The following PZP variants were observed in gnomAD, a reference collection of about 807,000 sequenced individuals.
The protein encoded by PZP is pregnancy zone protein.
In PZP, 150 loss-of-function variants were observed where a neutral mutation model predicts 179.8. That is an observed-to-expected ratio of 0.83 (90% CI 0.73 to 0.96). PZP has a LOEUF of 0.96. Ranked by LOEUF, PZP falls within the 40% of genes least tolerant of loss-of-function variation. The pLI is 0.00. For missense variants in PZP, 1,689 were observed against 1,764.0 expected, an observed-to-expected ratio of 0.96 and a Z score of 0.76; for synonymous variants, 624 against 652.3, an observed-to-expected ratio of 0.96 and a Z score of 0.66.
At position 9,158,589 on chromosome 12, in the gene PZP, A is replaced by G. The variant is rs201162469; in HGVS notation, c.3138-13T>C. 31 of 1,613,664 alleles carry G rather than the reference A, an allele frequency of 1.9e-5. No homozygotes were observed. The highest frequency in any genetic ancestry group is 1.6e-4 in the Middle Eastern group (1 of 6,062). On this transcript the variant is annotated splice_polypyrimidine_tract_variant and intron_variant, in intron 25 of 35. Coordinates refer to ENST00000261336, the MANE Select transcript of PZP (RefSeq NM_002864.3). ...AAAAGCTGTGAGCCTAGGGGGAGGA[A>G]AAATGCAGTGCTGAGGCTCTTTTCA... is the stretch of plus-strand genomic sequence containing the variant.
At chr12:9,136,750 G>C in the PZP span, among the ~76,000 whole-genome samples, 4 of 151,914 alleles carry the variant, frequency 2.6e-5, no homozygotes, top group South Asian at 8.3e-4. Context: ...TCTCATTGTG[G>C]TTTTGATTTG....
At chr12:9,195,973 GAC>G (rs1335765134) in intron 10 of PZP, among the ~76,000 whole-genome samples, 1 of 151,870 alleles carries the variant, frequency 6.6e-6, no homozygotes, top group Admixed American at 6.6e-5. Context: ...AAAGAACACT[GAC>G]AGCCATAAAT....
intron 15 of PZP, among the ~76,000 whole-genome samples, chr12:9,177,925 T>C (rs762623066): frequency 2.0e-5 from 3 of 152,312 alleles, no homozygotes; most frequent in Admixed American, 6.5e-5. Flanking sequence ...AGTGTAAAAA[T>C]ATCAGGCATA....
intron 17 of PZP, chr12:9,167,501 C>G (rs554482223): frequency 6.6e-6 from 1 of 152,188 alleles, no homozygotes; most frequent in African/African-American, 2.4e-5. Context: ...AATCACTCAC[C>G]GCTTCCCTTG....
chr12:9,144,813 A>T (rs754729851), downstream of PZP, among the ~76,000 whole-genome samples: 2 of 152,090 alleles, frequency 1.3e-5, no homozygotes, highest in African/African-American at 2.4e-5. Flanking sequence ...GGGCAGGCAT[A>T]TCTCTGGTCG....
At chr12:9,200,776 A>G in intron 6 of PZP, 116 bp downstream of exon 6, 1 of 1,086,976 alleles carries the variant, frequency 9.2e-7, no homozygotes, top group Non-Finnish European at 1.3e-6. Flanking sequence ...TCTTAGAAGC[A>G]GTAAGTCTGA....
intron 7 of PZP, among the ~76,000 whole-genome samples, chr12:9,197,957 TTTATATA>T (rs1224231074): frequency 8.9e-5 from 12 of 134,392 alleles, no homozygotes; most frequent in African/African-American, 3.0e-4. Flanking sequence ...ATATTACATA[TTTATATA>T]TTATATATTA....
downstream of PZP, among the ~76,000 whole-genome samples, chr12:9,145,391 T>C (rs1592426493): frequency 1.3e-5 from 2 of 152,232 alleles, no homozygotes; most frequent in South Asian, 2.1e-4. Flanking sequence ...CTTGTAGTTA[T>C]AGCAGTCTGT....
chr12:9,151,740 C>A, intron 32 of PZP, 68 bp from the exon 33 acceptor site: 1 of 1,287,692 alleles, frequency 7.8e-7, no homozygotes, highest in Non-Finnish European at 1.1e-6. Context: ...AGATCTAGAG[C>A]AGATTGTAAT....
chr12:9,182,132 G>GAGTGAGACAAAATGGCCATA lies in PZP; in HGVS notation c.1547-16_1547-15insTATGGCCATTTTGTCTCACT. 2 of 1,554,330 alleles carry GAGTGAGACAAAATGGCCATA rather than the reference G, an allele frequency of 1.3e-6. No individual in the cohort carries two copies. The highest frequency in any genetic ancestry group is 1.7e-6 in the Non-Finnish European group (2 of 1,146,644). Reference sequence around the variant, plus strand: ...ACTGCCTTTCACTGGAACATGGAGAGAGTGAGACAAAATGGTCATAAGTGA... The same window carrying GAGTGAGACAAAATGGCCATA: ...ACTGCCTTTCACTGGAACATGGAGAGAGTGAGACAAAATGGCCATAAGTGAGACAAAATGGTCATAAGTGA... On this transcript the variant is annotated splice_polypyrimidine_tract_variant and intron_variant, in intron 13 of 35. Transcript: ENST00000261336.
chr12:9,207,865 A>T (rs948082972), intron 1 of PZP, among the ~76,000 whole-genome samples: 1 of 152,342 alleles, frequency 6.6e-6, no homozygotes, highest in South Asian at 2.1e-4. Context: ...GACTTGATAC[A>T]TGATTGAAAA....
intron 10 of PZP, among the ~76,000 whole-genome samples, chr12:9,194,811 C>T (rs1943675182): frequency 6.6e-6 from 1 of 152,126 alleles, no homozygotes; most frequent in Admixed American, 6.5e-5. Context: ...TTAATATGCA[C>T]TTGGAATAAG....
chr12:9,176,584 C>CT (rs1942379408), intron 15 of PZP, among the ~76,000 whole-genome samples: 2 of 152,218 alleles, frequency 1.3e-5, no homozygotes, highest in African/African-American at 4.8e-5. Context: ...ATGCAGTGTA[C>CT]TTTTTATGGA....
At chr12:9,144,736 TGTCTCTGG>T (rs1939916755), downstream of PZP, among the ~76,000 whole-genome samples, 1 of 152,126 alleles carries the variant, frequency 6.6e-6, no homozygotes, top group Admixed American at 6.6e-5. Context: ...GGGGTTGGAA[TGTCTCTGG>T]TCAGAGGGAA....
chr12:9,141,732 A>C, the PZP span, among the ~76,000 whole-genome samples: 1 of 152,212 alleles, frequency 6.6e-6, no homozygotes, highest in African/African-American at 2.4e-5. Flanking sequence ...CTGTTTTTTC[A>C]ATAGTCTTAA....
At chr12:9,194,722 C>T (rs1181867958) in intron 10 of PZP, among the ~76,000 whole-genome samples, 1 of 152,092 alleles carries the variant, frequency 6.6e-6, no homozygotes, top group African/African-American at 2.4e-5. Flanking sequence ...CCTCGGCCTC[C>T]GAAAGTGCTG....
chr12:9,196,916 G>A (rs753032650), intron 8 of PZP, 96 bp downstream of exon 8: 19 of 1,030,832 alleles, frequency 1.8e-5, no homozygotes, highest in East Asian at 7.2e-5. Flanking sequence ...GATATTTTGC[G>A]ACAAGCTTGT....
chr12:9,164,553 A>G (rs781736421), intron 19 of PZP, among the ~76,000 whole-genome samples: 2 of 152,290 alleles, frequency 1.3e-5, no homozygotes, highest in Admixed American at 1.3e-4. Context: ...AGGGAATACT[A>G]TCTGCTGCTA....
intron 1 of PZP, among the ~76,000 whole-genome samples, chr12:9,207,910 G>T (rs1351274745): frequency 6.6e-6 from 1 of 152,004 alleles, no homozygotes; most frequent in Non-Finnish European, 1.5e-5. Context: ...ATATATATAT[G>T]GCCTACAATA....
Sources: allele counts gnomAD v4.1 joint callset (sites outside exome capture counted in the v4.1 genomes callset), GRCh38; gene constraint gnomAD v4.1.1; transcripts MANE v1.5; gene names NCBI Gene and HGNC (gene_info 2026-07-23, HGNC 2026-07-21).